CSGALNACT1: variants seen among roughly 807,000 people sequenced by gnomAD.
CSGALNACT1 encodes beta4GalNAcT-1.
A neutral mutation model predicts 51.0 loss-of-function variants in CSGALNACT1; 52 were observed. That is an observed-to-expected ratio of 1.02 (90% CI 0.82 to 1.29). The LOEUF (loss-of-function observed/expected upper bound fraction) is 1.29. Ranked by LOEUF, CSGALNACT1 falls within the 50% of genes most tolerant of loss-of-function variation. CSGALNACT1 has a pLI of 0.00. For synonymous variants in CSGALNACT1, 341 were observed against 254.4 expected, an observed-to-expected ratio of 1.34 and a Z score of -3.24; for missense variants, 935 against 679.2, an observed-to-expected ratio of 1.38 and a Z score of -4.19.
In CSGALNACT1 at chr8:19,601,600, C is replaced by A. The variant is rs369570203; in HGVS notation, c.-416+171G>T. Among the ~76,000 whole-genome samples, 11 of 152,244 alleles carry A rather than the reference C, an allele frequency of 7.2e-5. No homozygotes were observed. In the East Asian group the frequency reaches 1.9e-3, roughly 27 times the overall value. ...GTGAATGAAAAGGATTCAATGGAGC[C>A]AAGTAATTGTATTATTTTGGAAGAA... is the stretch of plus-strand genomic sequence containing the variant. On this transcript the variant is annotated intron_variant, in intron 2 of 9. Coordinates refer to ENST00000454498, the Ensembl canonical transcript of CSGALNACT1.
intron 1 of CSGALNACT1, among the ~76,000 whole-genome samples, chr8:19,675,767 T>C (rs1276292993): frequency 2.0e-5 from 3 of 152,040 alleles, no homozygotes; most frequent in Non-Finnish European, 4.4e-5. Flanking sequence ...GGATTACAAG[T>C]GTAAGCCACT....
At chr8:19,545,332 C>T (rs140238114) in intron 3 of CSGALNACT1, among the ~76,000 whole-genome samples, 10 of 152,190 alleles carry the variant, frequency 6.6e-5, no homozygotes, top group Admixed American at 4.6e-4. Flanking sequence ...AAACAATTAA[C>T]GTTTAATTGA....
intron 1 of CSGALNACT1, among the ~76,000 whole-genome samples, chr8:19,746,181 G>C (rs1466139241): frequency 6.6e-6 from 1 of 152,158 alleles, no homozygotes; most frequent in Non-Finnish European, 1.5e-5. Context: ...GGGTCAGTAA[G>C]CCCTAGCGTA....
intron 4 of CSGALNACT1, among the ~76,000 whole-genome samples, chr8:19,482,487 T>A (rs570267028): frequency 2.2e-4 from 33 of 152,244 alleles, no homozygotes; most frequent in African/African-American, 7.5e-4. Context: ...CTACATCCAA[T>A]AGATCCTGTA....
chr8:19,452,087 G>T (rs138864525), intron 5 of CSGALNACT1, among the ~76,000 whole-genome samples: 1 of 152,226 alleles, frequency 6.6e-6, no homozygotes, highest in African/African-American at 2.4e-5. Flanking sequence ...ACCAATGAGG[G>T]AGACATAATC....
chr8:19,474,056 A>G (rs1161442749), intron 4 of CSGALNACT1, among the ~76,000 whole-genome samples: 1 of 152,226 alleles, frequency 6.6e-6, no homozygotes, highest in African/African-American at 2.4e-5. Context: ...AGCCTTTAGT[A>G]AATCTTAGTA....
intron 5 of CSGALNACT1, among the ~76,000 whole-genome samples, chr8:19,440,526 G>A (rs1012662175): frequency 1.1e-4 from 17 of 151,994 alleles, no homozygotes; most frequent in African/African-American, 4.1e-4. Flanking sequence ...AACCCTTCAT[G>A]CTAAAAACTC....
At chr8:19,485,202 T>C (rs2072563204) in intron 4 of CSGALNACT1, among the ~76,000 whole-genome samples, 1 of 152,046 alleles carries the variant, frequency 6.6e-6, no homozygotes, top group Admixed American at 6.6e-5. Context: ...ATATACCCCA[T>C]CCAGCGTCTT....
chr8:19,425,990 G>C (rs1037470003), intron 6 of CSGALNACT1, among the ~76,000 whole-genome samples: 2 of 152,082 alleles, frequency 1.3e-5, no homozygotes, highest in African/African-American at 4.8e-5. Flanking sequence ...CTGTGTCCTG[G>C]TGCCTTCAAG....
chr8:19,418,020 T>A (rs2057228135), intron 8 of CSGALNACT1, among the ~76,000 whole-genome samples: 1 of 152,180 alleles, frequency 6.6e-6, no homozygotes, highest in East Asian at 1.9e-4. Context: ...GCATCCACTA[T>A]CCATCACCTG....
At chr8:19,725,744 T>A (rs369353010) in intron 1 of CSGALNACT1, among the ~76,000 whole-genome samples, 33 of 152,240 alleles carry the variant, frequency 2.2e-4, no homozygotes, top group African/African-American at 7.9e-4. Flanking sequence ...AAGACTTCAC[T>A]TTTTTAGAGC....
chr8:19,460,934 C>T (rs1298113122), intron 4 of CSGALNACT1, among the ~76,000 whole-genome samples: 6 of 151,992 alleles, frequency 3.9e-5, no homozygotes, highest in Non-Finnish European at 5.9e-5. Context: ...TGTGAGTTTC[C>T]AAGGTAGTCT....
At chr8:19,740,918 T>C (rs1365294441) in intron 1 of CSGALNACT1, among the ~76,000 whole-genome samples, 1 of 152,202 alleles carries the variant, frequency 6.6e-6, no homozygotes, top group Non-Finnish European at 1.5e-5. Flanking sequence ...GTATTCACAA[T>C]TTATAAATTT....
intron 1 of CSGALNACT1, among the ~76,000 whole-genome samples, chr8:19,752,694 C>T (rs73667408): frequency 0.064 from 9,811 of 152,258 alleles, 360 homozygotes; most frequent in African/African-American, 0.074. Context: ...ACATCTACCT[C>T]CTCCCCATTT....
At chr8:19,438,924 A>G (rs2060836688) in intron 6 of CSGALNACT1, among the ~76,000 whole-genome samples, 2 of 152,210 alleles carry the variant, frequency 1.3e-5, no homozygotes, top group Non-Finnish European at 2.9e-5. Flanking sequence ...TCCTATTACC[A>G]TTTACCAGAA....
At chr8:19,650,526 T>A (rs1488497111) in intron 1 of CSGALNACT1, among the ~76,000 whole-genome samples, 1 of 152,170 alleles carries the variant, frequency 6.6e-6, no homozygotes, top group Non-Finnish European at 1.5e-5. Flanking sequence ...TGCAATCCAA[T>A]GGGCACCAAC....
chr8:19,476,828 C>G (rs927405615), intron 4 of CSGALNACT1, among the ~76,000 whole-genome samples: 1 of 152,150 alleles, frequency 6.6e-6, no homozygotes, highest in Non-Finnish European at 1.5e-5. Context: ...AGTCCAGATG[C>G]CGGACATGTG....
In CSGALNACT1 at chr8:19,428,863, GTGTGTGTGTGTGTA is replaced by G. The variant is rs1343399116; in HGVS notation, c.954-8359_954-8346del. Among the ~76,000 whole-genome samples, 705 of 147,786 alleles carry G rather than the reference GTGTGTGTGTGTGTA, an allele frequency of 4.8e-3. 6 individuals are homozygous for G. The highest frequency in any genetic ancestry group is 0.018 in the African/African-American group (676 of 38,570). On this transcript the variant is annotated intron_variant, in intron 6 of 9. Transcript: ENST00000454498. The stretch of plus-strand genomic sequence containing the variant: ...TGTGTGTGTGTGTGTGTGTGTGTGT[GTGTGTGTGTGTGTA>G]TGCATGCTGTGTATTTATATGTATA...
intron 1 of CSGALNACT1, among the ~76,000 whole-genome samples, chr8:19,666,937 GAGAGAAAAAGAAAGAA>G (rs1564384676): frequency 8.6e-5 from 11 of 127,822 alleles, no homozygotes; most frequent in African/African-American, 3.3e-4. Context: ...GACAGAGAGA[GAGAGAAAAAGAAAGAA>G]AGAAAGAAAG....
Sources: allele counts gnomAD v4.1 joint callset (sites outside exome capture counted in the v4.1 genomes callset), GRCh38; gene constraint gnomAD v4.1.1; transcripts MANE v1.5; gene names NCBI Gene and HGNC (gene_info 2026-07-23, HGNC 2026-07-21).